VCL: variants seen among roughly 807,000 people sequenced by gnomAD.
VCL encodes the protein epididymis luminal protein 114.
VCL carries 47 observed loss-of-function variants against 125.7 expected under a neutral mutation model. That is an observed-to-expected ratio of 0.37 (90% CI 0.30 to 0.48). The LOEUF is 0.48. Ranked by LOEUF, VCL falls within the 20% of genes least tolerant of loss-of-function variation. VCL has a pLI of 0.99. For missense variants in VCL, 1,069 were observed against 1,455.5 expected, an observed-to-expected ratio of 0.73 and a Z score of 4.32; for synonymous variants, 458 against 514.6, an observed-to-expected ratio of 0.89 and a Z score of 1.49.
At chr10:74,108,930 A>T in intron 17 of VCL, 41 bp from the exon 18 acceptor site, 1 of 1,610,660 alleles carries the variant, frequency 6.2e-7, no homozygotes, top group Non-Finnish European at 8.5e-7. Flanking sequence ...AGGGGGGAGT[A>T]GTTTTAGGAC....
At chr10:74,061,637 G>C (rs1841480899) in intron 2 of VCL, among the ~76,000 whole-genome samples, 1 of 152,000 alleles carries the variant, frequency 6.6e-6, no homozygotes, top group African/African-American at 2.4e-5. Flanking sequence ...TCTCTCCTTT[G>C]GAAACTTTAA....
intron 21 of VCL, 138 bp from the exon 22 acceptor site, chr10:74,117,885 C>A (rs372965176): frequency 3.2e-6 from 4 of 1,260,850 alleles, no homozygotes; most frequent in Non-Finnish European, 4.6e-6. Context: ...TCTGGGAAAA[C>A]CCCTAGTGAT....
intron 1 of VCL, among the ~76,000 whole-genome samples, chr10:74,002,374 C>A (rs1840242998): frequency 1.3e-5 from 2 of 152,054 alleles, no homozygotes; most frequent in African/African-American, 4.8e-5. Flanking sequence ...ATCCGCCCGC[C>A]TCGGCCTCCC....
chr10:74,101,364 T>G, intron 14 of VCL, among the ~76,000 whole-genome samples: 1 of 151,142 alleles, frequency 6.6e-6, no homozygotes, highest in African/African-American at 2.4e-5. Flanking sequence ...CGCATGCCTG[T>G]GAACACAGCT....
chr10:74,082,663 G>GTTA, intron 7 of VCL, 119 bp downstream of exon 7: 1 of 1,034,338 alleles, frequency 9.7e-7, no homozygotes, highest in Non-Finnish European at 1.5e-6. Context: ...ACATTATGGG[G>GTTA]CATACCCCAT....
chr10:74,004,011 G>C (rs1840275234), intron 1 of VCL, among the ~76,000 whole-genome samples: 1 of 152,134 alleles, frequency 6.6e-6, no homozygotes, highest in Non-Finnish European at 1.5e-5. Context: ...ATGATCCACT[G>C]TGTCCAGCCT....
At chr10:74,075,154 T>G in intron 6 of VCL, 1 of 489,808 alleles carries the variant, frequency 2.0e-6, no homozygotes, top group East Asian at 3.8e-5. Flanking sequence ...GATTTATAGC[T>G]TTTCCATCAG....
chr10:74,077,526 C>G (rs141203634), intron 6 of VCL: 1 of 182,612 alleles, frequency 5.5e-6, no homozygotes, highest in Non-Finnish European at 1.2e-5. Flanking sequence ...TGTAGCATTA[C>G]GCATCTTTCA....
intron 21 of VCL, among the ~76,000 whole-genome samples, chr10:74,116,154 C>T (rs1317094222): frequency 6.6e-6 from 1 of 152,220 alleles, no homozygotes; most frequent in African/African-American, 2.4e-5. Flanking sequence ...TCTGAAAGAA[C>T]AACTGTTTCT....
intron 8 of VCL, among the ~76,000 whole-genome samples, chr10:74,087,588 G>A (rs1245256882): frequency 7.0e-6 from 1 of 143,268 alleles, no homozygotes; most frequent in Non-Finnish European, 1.5e-5. Context: ...TCTCGATCTC[G>A]TGACCTCGTG....
At chr10:74,049,526 T>C (rs887824088) in intron 2 of VCL, among the ~76,000 whole-genome samples, 4 of 152,022 alleles carry the variant, frequency 2.6e-5, no homozygotes, top group Non-Finnish European at 5.9e-5. Flanking sequence ...AAAGAGCGTT[T>C]ATGTAGGAAG....
At chr10:74,112,479 C>T (rs1840241326) in intron 19 of VCL, among the ~76,000 whole-genome samples, 1 of 152,174 alleles carries the variant, frequency 6.6e-6, no homozygotes, top group African/African-American at 2.4e-5. Flanking sequence ...CCTGGCCTGA[C>T]CATTGAGCTT....
chr10:74,043,020 A>C, intron 1 of VCL, 63 bp from the exon 2 acceptor site: 2 of 1,410,068 alleles, frequency 1.4e-6, no homozygotes, highest in Non-Finnish European at 2.0e-6. Flanking sequence ...AAATATGCTT[A>C]AGTAATAGTT....
At position 74,118,237 on chromosome 10, in the gene VCL, G is replaced by A; in HGVS notation, c.*68G>A. On this transcript the variant is annotated 3_prime_UTR_variant, in exon 22 of 22. Coordinates refer to ENST00000211998, the MANE Select transcript of VCL (RefSeq NM_014000.3). The stretch of plus-strand genomic sequence containing the variant: ...AGAAGGAAAATGATCTGAGTCCCAG[G>A]AGCTGCCCAGAGTTGCTGGGAGCTG... 1.3e-6 allele frequency: 2 copies of A among 1,599,912 alleles called. No individual in the cohort carries two copies. The highest frequency in any genetic ancestry group is 1.7e-6 in the Non-Finnish European group (2 of 1,172,504).
chr10:74,074,167 C>T (rs1037654140), intron 5 of VCL, among the ~76,000 whole-genome samples: 15 of 152,266 alleles, frequency 9.9e-5, no homozygotes, highest in African/African-American at 3.1e-4. Context: ...ACCCAGGAGG[C>T]GGAGGTTGCA....
chr10:74,015,009 A>G (rs180709232), intron 1 of VCL, among the ~76,000 whole-genome samples: 3 of 152,274 alleles, frequency 2.0e-5, no homozygotes, highest in Non-Finnish European at 4.4e-5. Flanking sequence ...TTTAATGAGT[A>G]CATTCTATTC....
intron 2 of VCL, among the ~76,000 whole-genome samples, chr10:74,046,539 C>T (rs139161846): frequency 1.3e-5 from 2 of 152,298 alleles, no homozygotes; most frequent in African/African-American, 4.8e-5. Context: ...CACTGTGCCC[C>T]GGCCTTAGCC....
chr10:74,004,279 C>T (rs1338633773), intron 1 of VCL, among the ~76,000 whole-genome samples: 1 of 152,002 alleles, frequency 6.6e-6, no homozygotes, highest in East Asian at 1.9e-4. Context: ...TCATTTATAG[C>T]TCATAAAATA....
intron 1 of VCL, among the ~76,000 whole-genome samples, chr10:74,018,199 T>TATATATATATAA (rs1840594760): frequency 7.1e-6 from 1 of 141,406 alleles, no homozygotes; most frequent in Non-Finnish European, 1.5e-5. Flanking sequence ...TATATATATA[T>TATATATATATAA]ATAAATACAT....
Sources: allele counts gnomAD v4.1 joint callset (sites outside exome capture counted in the v4.1 genomes callset), GRCh38; gene constraint gnomAD v4.1.1; transcripts MANE v1.5; gene names NCBI Gene and HGNC (gene_info 2026-07-23, HGNC 2026-07-21).